Variants in RTN1 observed in about 807,000 individuals in gnomAD.
RTN1 encodes reticulon-1.
In RTN1, 25 loss-of-function variants were observed where a neutral mutation model predicts 65.5. That is an observed-to-expected ratio of 0.38 (90% CI 0.28 to 0.53). RTN1 has a LOEUF of 0.53. Ranked by LOEUF, RTN1 falls within the 20% of genes least tolerant of loss-of-function variation. The pLI is 0.79. For missense variants in RTN1, 983 were observed against 1,025.4 expected, an observed-to-expected ratio of 0.96 and a Z score of 0.57; for synonymous variants, 471 against 447.6, an observed-to-expected ratio of 1.05 and a Z score of -0.66.
At position 59,607,301 on chromosome 14, in the gene RTN1, C is replaced by T. The variant is rs1167406480; in HGVS notation, c.1957G>A (p.Glu653Lys). Residue 653 changes from glutamate (E) to lysine (K), a missense_variant, in exon 4 of 9, where the codon GAA (glutamate) becomes AAA (lysine). Coordinates refer to ENST00000267484, the MANE Select transcript of RTN1 (RefSeq NM_021136.3). Reference sequence around the variant, plus strand: ...GGCACTCACTTGAAAGGGTGGCCTTCGTCGGTTTTCTGCACTGCTTGTAAA... The same window carrying T: ...GGCACTCACTTGAAAGGGTGGCCTTTGTCGGTTTTCTGCACTGCTTGTAAA... Reference protein sequence around the residue: ...SVLQAVQKTDEGHPFKAYLEL... With the variant: ...SVLQAVQKTDKGHPFKAYLEL... 1.9e-6 allele frequency: 3 copies of T among 1,613,934 alleles called. No individual in the cohort carries two copies. Among genetic ancestry groups the T allele is most frequent in the Non-Finnish European group, 1.7e-6 (2 of 1,179,952 alleles).
In RTN1 at chr14:59,665,458, A is replaced by C. The variant is rs544815795; in HGVS notation, c.1766-57966T>G. Among the ~76,000 whole-genome samples, 12 of 152,292 alleles carry C rather than the reference A, an allele frequency of 7.9e-5. No individual in the cohort carries two copies. The South Asian group carries it at 2.3e-3, about 29-fold the overall frequency. On this transcript the variant is annotated intron_variant, in intron 3 of 8. Transcript: ENST00000267484. Reference sequence around the variant, plus strand: ...TGAAGGAAGCATTAAACATGGAAAGAAACAACCGGTACCAGCCACTGCAGA... The same window carrying C: ...TGAAGGAAGCATTAAACATGGAAAGCAACAACCGGTACCAGCCACTGCAGA...
intron 8 of RTN1, among the ~76,000 whole-genome samples, chr14:59,597,131 G>C (rs1881425976): frequency 6.6e-6 from 1 of 152,208 alleles, no homozygotes; most frequent in Non-Finnish European, 1.5e-5. Context: ...GAAAGAGAGA[G>C]AAAGTGCTAT....
At chr14:59,618,121 G>A (rs1434386811) in intron 3 of RTN1, among the ~76,000 whole-genome samples, 1 of 152,222 alleles carries the variant, frequency 6.6e-6, no homozygotes, top group Non-Finnish European at 1.5e-5. Context: ...AACTTTGGAA[G>A]AAACTTAGTT....
chr14:59,741,349 C>T (rs555272962), intron 2 of RTN1, among the ~76,000 whole-genome samples: 2 of 152,316 alleles, frequency 1.3e-5, no homozygotes, highest in East Asian at 3.9e-4. Flanking sequence ...TCTCCTCACC[C>T]CCACCGCCAC....
chr14:59,847,370 G>A (rs1360472006), intron 1 of RTN1, among the ~76,000 whole-genome samples: 1 of 152,050 alleles, frequency 6.6e-6, no homozygotes, highest in Non-Finnish European at 1.5e-5. Context: ...TCTACCAATA[G>A]TATTTTAAAG....
chr14:59,632,940 CA>C (rs796788061), intron 3 of RTN1, among the ~76,000 whole-genome samples: 3 of 150,476 alleles, frequency 2.0e-5, no homozygotes, highest in Admixed American at 6.6e-5. Flanking sequence ...AAAAAAAATA[CA>C]AAAAAAAAAT....
chr14:59,678,404 A>G (rs1883672387), intron 3 of RTN1, among the ~76,000 whole-genome samples: 1 of 152,170 alleles, frequency 6.6e-6, no homozygotes, highest in African/African-American at 2.4e-5. Context: ...TTTTTAATAT[A>G]TGTTCTGGAT....
intron 1 of RTN1, among the ~76,000 whole-genome samples, chr14:59,830,037 T>C (rs1887098743): frequency 6.6e-6 from 1 of 152,216 alleles, no homozygotes; most frequent in African/African-American, 2.4e-5. Flanking sequence ...CAAGGTATAC[T>C]CTGAAATGCA....
intron 1 of RTN1, among the ~76,000 whole-genome samples, chr14:59,824,010 A>G (rs530061526): frequency 4.7e-4 from 71 of 152,298 alleles, no homozygotes; most frequent in Non-Finnish European, 9.1e-4. Context: ...TCTTTCTTGT[A>G]TGTCATTTTA....
At chr14:59,605,629 G>C (rs1438898274) in intron 4 of RTN1, 123 bp from the exon 5 acceptor site, 9 of 1,000,914 alleles carry the variant, frequency 9.0e-6, no homozygotes, top group Non-Finnish European at 1.3e-5. Context: ...AGTCATCTCT[G>C]GGGGGTTATG....
At chr14:59,709,239 A>T (rs1482449322) in intron 3 of RTN1, among the ~76,000 whole-genome samples, 1 of 152,232 alleles carries the variant, frequency 6.6e-6, no homozygotes, top group East Asian at 1.9e-4. Flanking sequence ...AAATATGACA[A>T]AATGATAATA....
intron 3 of RTN1, among the ~76,000 whole-genome samples, chr14:59,662,537 C>T (rs186517815): frequency 3.3e-5 from 5 of 152,256 alleles, no homozygotes; most frequent in Non-Finnish European, 1.5e-5. Flanking sequence ...ATATGTGCCA[C>T]ATTTTCTTAA....
At chr14:59,811,377 T>C (rs1159080632) in intron 1 of RTN1, among the ~76,000 whole-genome samples, 1 of 152,210 alleles carries the variant, frequency 6.6e-6, no homozygotes, top group African/African-American at 2.4e-5. Context: ...CATTACAAGC[T>C]AAAATCAATG....
intron 3 of RTN1, among the ~76,000 whole-genome samples, chr14:59,645,998 T>C (rs935030795): frequency 6.6e-6 from 1 of 152,156 alleles, no homozygotes; most frequent in Non-Finnish European, 1.5e-5. Flanking sequence ...AAATTCAGAA[T>C]ACTGATAGGA....
At chr14:59,837,505 T>C (rs977229497) in intron 1 of RTN1, among the ~76,000 whole-genome samples, 2 of 151,922 alleles carry the variant, frequency 1.3e-5, no homozygotes, top group Non-Finnish European at 2.9e-5. Flanking sequence ...AAACATCAAA[T>C]AACAAACTGA....
At chr14:59,600,300 AG>A (rs1192127088) in intron 8 of RTN1, among the ~76,000 whole-genome samples, 1 of 152,146 alleles carries the variant, frequency 6.6e-6, no homozygotes, top group African/African-American at 2.4e-5. Flanking sequence ...TATAATATTG[AG>A]GGTTTCCTAC....
At chr14:59,726,642 G>C (rs1304535809) in intron 3 of RTN1, among the ~76,000 whole-genome samples, 1 of 152,216 alleles carries the variant, frequency 6.6e-6, no homozygotes, top group Non-Finnish European at 1.5e-5. Flanking sequence ...ACTCCATTTA[G>C]GAGATCCTGG....
chr14:59,732,693 A>G (rs1362243788), intron 2 of RTN1, among the ~76,000 whole-genome samples: 2 of 152,222 alleles, frequency 1.3e-5, no homozygotes, highest in Non-Finnish European at 2.9e-5. Flanking sequence ...AGGCATGCAC[A>G]GAGACCCAGA....
At chr14:59,601,014 A>T (rs892265101) in intron 8 of RTN1, among the ~76,000 whole-genome samples, 3 of 152,222 alleles carry the variant, frequency 2.0e-5, no homozygotes, top group Admixed American at 6.5e-5. Flanking sequence ...GTGATCTTTA[A>T]AAAACATAAA....
Sources: gnomAD v4.1 joint callset for allele counts (sites outside exome capture counted in the v4.1 genomes callset) on GRCh38, gnomAD v4.1.1 for gene constraint, MANE v1.5 for transcripts, NCBI Gene and HGNC (gene_info 2026-07-23, HGNC 2026-07-21) for gene names.